Variants in OLFM3 observed in about 807,000 individuals in gnomAD.
OLFM3 encodes the protein noelin-3.
A neutral mutation model predicts 48.6 loss-of-function variants in OLFM3; 20 were observed. The ratio of observed to expected loss-of-function variants is 0.41; its 90% CI spans 0.29 to 0.60. The LOEUF (loss-of-function observed/expected upper bound fraction) is 0.60. OLFM3 is among the 20% of genes least tolerant of loss of function. OLFM3 has a pLI of 0.28. For synonymous variants in OLFM3, 222 were observed against 198.1 expected (o/e 1.12, Z -1.01); for missense variants, 437 against 544.3 (o/e 0.80, Z 1.96).
chr1:101,976,466 G>A (rs966354143), intron 1 of OLFM3, among the ~76,000 whole-genome samples: 4 of 152,082 alleles, frequency 2.6e-5, no homozygotes, highest in South Asian at 2.1e-4. Context: ...AATTACACAC[G>A]GATACAAATA....
intron 1 of OLFM3, among the ~76,000 whole-genome samples, chr1:101,913,824 CA>C (rs1242659559): frequency 6.6e-5 from 10 of 152,034 alleles, no homozygotes; most frequent in South Asian, 2.1e-4. Flanking sequence ...AACAGAAATA[CA>C]ATGATTTAAA....
chr1:101,882,108 T>TAC (rs919416402), intron 1 of OLFM3, among the ~76,000 whole-genome samples: 43 of 148,394 alleles, frequency 2.9e-4, no homozygotes, highest in East Asian at 5.9e-4. Flanking sequence ...CACACACACA[T>TAC]ACACACACAC....
At chr1:101,861,637 CA>C (rs1257213753) in intron 1 of OLFM3, among the ~76,000 whole-genome samples, 3 of 152,178 alleles carry the variant, frequency 2.0e-5, no homozygotes, top group Admixed American at 1.3e-4. Context: ...GTGAAGTTAG[CA>C]GTATGGCATG....
chr1:101,821,524 T>A (rs145556488), intron 4 of OLFM3, among the ~76,000 whole-genome samples: 2 of 152,178 alleles, frequency 1.3e-5, no homozygotes, highest in African/African-American at 4.8e-5. Context: ...ACATTGTAAT[T>A]AAGGGTTGTG....
chr1:101,898,307 G>T (rs1349103546), intron 1 of OLFM3, among the ~76,000 whole-genome samples: 1 of 152,120 alleles, frequency 6.6e-6, no homozygotes, highest in Non-Finnish European at 1.5e-5. Flanking sequence ...TATGTAGTAA[G>T]GTTGAGCAAC....
chr1:101,854,508 T>A (rs1656342193), intron 1 of OLFM3, among the ~76,000 whole-genome samples: 1 of 151,926 alleles, frequency 6.6e-6, no homozygotes, highest in Admixed American at 6.6e-5. Flanking sequence ...GGGAGAGAAA[T>A]ATATTCAGGG....
chr1:101,929,469 T>C (rs1327357326), intron 1 of OLFM3, among the ~76,000 whole-genome samples: 1 of 152,106 alleles, frequency 6.6e-6, no homozygotes, highest in African/African-American at 2.4e-5. Context: ...CTTTATTTCC[T>C]TTCTCCCCAC....
intron 4 of OLFM3, among the ~76,000 whole-genome samples, chr1:101,810,270 A>G (rs1289671642): frequency 1.6e-4 from 25 of 151,942 alleles, no homozygotes; most frequent in Admixed American, 1.6e-3. Flanking sequence ...GAAGTTATCT[A>G]AATCCTCATC....
At chr1:101,808,837 G>A (rs1300562742) in intron 4 of OLFM3, among the ~76,000 whole-genome samples, 2 of 151,808 alleles carry the variant, frequency 1.3e-5, no homozygotes, top group East Asian at 3.9e-4. Flanking sequence ...AAGAATGACT[G>A]ATGTAAATGT....
chr1:101,892,717 C>A (rs1658051994), intron 1 of OLFM3, among the ~76,000 whole-genome samples: 1 of 152,002 alleles, frequency 6.6e-6, no homozygotes, highest in South Asian at 2.1e-4. Flanking sequence ...AGTTTAGCCA[C>A]CATTGTGGCT....
chr1:101,931,971 A>T (rs1392680907), intron 1 of OLFM3, among the ~76,000 whole-genome samples: 1 of 152,200 alleles, frequency 6.6e-6, no homozygotes, highest in Non-Finnish European at 1.5e-5. Flanking sequence ...CAATAATGAA[A>T]TAATTGTTTA....
intron 1 of OLFM3, among the ~76,000 whole-genome samples, chr1:101,947,380 T>C (rs1389343437): frequency 6.6e-6 from 1 of 152,192 alleles, no homozygotes; most frequent in Non-Finnish European, 1.5e-5. Flanking sequence ...TTGAAGAGTA[T>C]ATACAAGCAA....
intron 1 of OLFM3, among the ~76,000 whole-genome samples, chr1:101,915,461 G>T (rs1360907742): frequency 1.3e-5 from 2 of 151,790 alleles, no homozygotes; most frequent in African/African-American, 4.8e-5. Flanking sequence ...AAACAATGAA[G>T]CACTTTATCT....
intron 4 of OLFM3, chr1:101,812,760 TTAAAC>T: frequency 1.0e-6 from 1 of 987,868 alleles, no homozygotes; most frequent in Non-Finnish European, 1.2e-6. Flanking sequence ...CTTCTGGCTC[TTAAAC>T]TAAACATTGG....
At chr1:101,866,300 G>A (rs899807390) in intron 1 of OLFM3, among the ~76,000 whole-genome samples, 6 of 151,516 alleles carry the variant, frequency 4.0e-5, no homozygotes, top group Admixed American at 2.6e-4. Flanking sequence ...TTTTTGAGTT[G>A]GTATTAAATC....
chr1:101,829,773 G>A (rs1570532574), intron 3 of OLFM3, among the ~76,000 whole-genome samples: 1 of 152,222 alleles, frequency 6.6e-6, no homozygotes, highest in East Asian at 1.9e-4. Flanking sequence ...GCTATGCCTA[G>A]GTAAGGCAAG....
intron 1 of OLFM3, among the ~76,000 whole-genome samples, chr1:101,971,187 G>T (rs2101096512): frequency 6.6e-6 from 1 of 152,254 alleles, no homozygotes; most frequent in African/African-American, 2.4e-5. Context: ...CAATTGTTCT[G>T]GTCTGGTGAG....
At chr1:101,827,464 C>A (rs1335335101) in intron 3 of OLFM3, among the ~76,000 whole-genome samples, 1 of 152,018 alleles carries the variant, frequency 6.6e-6, no homozygotes, top group Non-Finnish European at 1.5e-5. Flanking sequence ...GGACTACAAG[C>A]GCCTGCCACC....
rs1570494861 is a variant in OLFM3 at position 101,804,985 on chromosome 1, C to T, written c.700-70G>A. 14 of 1,176,312 alleles carry T rather than the reference C, an allele frequency of 1.2e-5. No individual in the cohort carries two copies. The East Asian group carries it at 3.2e-4, about 27-fold the overall frequency. The allele number at this position is 1,176,312 out of a possible 1,614,324, so 72.9% of individuals were successfully genotyped here. ...TTTTCTGATAACCCCAAAAGAAAGA[C>T]AGTGAGAGTCAACACTTATTATAAT... On this transcript the variant is annotated intron_variant, in intron 5 of 5. Transcript: ENST00000370103. The surrounding 1 kb of genome is among the most constrained non-coding windows in gnomAD (Gnocchi z 4.5).
Sources: allele counts gnomAD v4.1 joint callset (sites outside exome capture counted in the v4.1 genomes callset), GRCh38; gene constraint gnomAD v4.1.1; non-coding constraint Gnocchi (gnomAD v3.1); transcripts MANE v1.5; gene names NCBI Gene and HGNC (gene_info 2026-07-23, HGNC 2026-07-21).